The following ANO4 variants were observed in gnomAD, a reference collection of about 807,000 sequenced individuals.
ANO4 encodes anoctamin-4.
In ANO4, 69 loss-of-function variants were observed where a neutral mutation model predicts 141.9. The observed-to-expected ratio is 0.49, with a 90% CI of 0.40 to 0.59. The LOEUF is 0.59. Ranked by LOEUF, ANO4 falls within the 20% of genes least tolerant of loss-of-function variation. The pLI is 0.00. For missense variants in ANO4, 894 were observed against 1,162.2 expected, an observed-to-expected ratio of 0.77 and a Z score of 3.36; for synonymous variants, 350 against 394.3, an observed-to-expected ratio of 0.89 and a Z score of 1.33.
chr12:100,958,168 C>G (rs1454429540), intron 5 of ANO4, among the ~76,000 whole-genome samples: 1 of 152,204 alleles, frequency 6.6e-6, no homozygotes, highest in Non-Finnish European at 1.5e-5. Flanking sequence ...GCATCTTGTT[C>G]ATGCCCACCC....
chr12:101,063,745 C>CTTTTTTATT (rs2048447975), intron 14 of ANO4, among the ~76,000 whole-genome samples: 1 of 24,772 alleles, frequency 4.0e-5, no homozygotes, highest in Non-Finnish European at 6.7e-5. Flanking sequence ...TCCAGGTTAT[C>CTTTTTTATT]TTTTTTTTTT....
intron 8 of ANO4, among the ~76,000 whole-genome samples, chr12:100,990,233 G>A (rs942271163): frequency 6.6e-6 from 1 of 152,188 alleles, no homozygotes; most frequent in Non-Finnish European, 1.5e-5. Context: ...TGTGATGTGT[G>A]CTCTGGTATT....
chr12:100,854,149 A>G (rs954582484), intron 1 of ANO4, among the ~76,000 whole-genome samples: 1 of 152,192 alleles, frequency 6.6e-6, no homozygotes, highest in African/African-American at 2.4e-5. Context: ...TGCTAAGTAT[A>G]GAATTCTAAA....
chr12:101,094,494 CATT>C, intron 18 of ANO4, among the ~76,000 whole-genome samples: 1 of 152,286 alleles, frequency 6.6e-6, no homozygotes, highest in African/African-American at 2.4e-5. Context: ...CTGTCACAAA[CATT>C]ATCTGTCATG....
At chr12:100,948,329 C>T (rs1457872602) in intron 5 of ANO4, among the ~76,000 whole-genome samples, 2 of 152,026 alleles carry the variant, frequency 1.3e-5, no homozygotes, top group South Asian at 2.1e-4. Flanking sequence ...GGTACATAAC[C>T]ACTTACAAGC....
intron 26 of ANO4, among the ~76,000 whole-genome samples, chr12:101,123,699 T>A (rs2051190836): frequency 6.6e-6 from 1 of 152,178 alleles, no homozygotes; most frequent in Non-Finnish European, 1.5e-5. Flanking sequence ...ATGTACCACA[T>A]TTTTTTATCC....
intron 1 of ANO4, among the ~76,000 whole-genome samples, chr12:100,869,348 A>G (rs769988299): frequency 8.5e-5 from 13 of 152,158 alleles, no homozygotes; most frequent in Middle Eastern, 3.2e-3. Flanking sequence ...TGAGTCTTAG[A>G]TCAAGAGGCA....
intron 9 of ANO4, among the ~76,000 whole-genome samples, chr12:101,027,675 A>G (rs1203332398): frequency 1.3e-5 from 2 of 152,186 alleles, no homozygotes; most frequent in Non-Finnish European, 2.9e-5. Flanking sequence ...AGGAACTCCA[A>G]TAACTCCAGC....
chr12:100,790,149 G>T (rs1228363919), upstream of ANO4, among the ~76,000 whole-genome samples: 1 of 152,122 alleles, frequency 6.6e-6, no homozygotes, highest in Non-Finnish European at 1.5e-5. Flanking sequence ...CACTCTCTGT[G>T]GGGAATAGCA....
At chr12:100,813,937 G>A (rs939091194) in intron 1 of ANO4, among the ~76,000 whole-genome samples, 4 of 152,114 alleles carry the variant, frequency 2.6e-5, no homozygotes, top group African/African-American at 9.7e-5. Context: ...CCATGCGTGA[G>A]CAAACATGTT....
At chr12:101,015,882 G>C (rs890426474) in intron 8 of ANO4, among the ~76,000 whole-genome samples, 1 of 152,160 alleles carries the variant, frequency 6.6e-6, no homozygotes, top group Admixed American at 6.5e-5. Flanking sequence ...GAGAGAGAGA[G>C]AGACTTCATT....
At chr12:100,853,155 A>G (rs982897698) in intron 1 of ANO4, among the ~76,000 whole-genome samples, 1 of 152,178 alleles carries the variant, frequency 6.6e-6, no homozygotes, top group African/African-American at 2.4e-5. Context: ...ATCTTTTTAT[A>G]TAAATATGAA....
chr12:100,840,176 G>A (rs2037164651), intron 1 of ANO4, among the ~76,000 whole-genome samples: 1 of 151,952 alleles, frequency 6.6e-6, no homozygotes, highest in Admixed American at 6.6e-5. Context: ...GAAAACATTA[G>A]TTACCCGTTC....
At chr12:100,813,933 G>A (rs1458103420) in intron 1 of ANO4, among the ~76,000 whole-genome samples, 2 of 152,112 alleles carry the variant, frequency 1.3e-5, no homozygotes, top group African/African-American at 2.4e-5. Flanking sequence ...TGGGCCATGC[G>A]TGAGCAAACA....
At chr12:101,020,198 TC>T (rs758236620) in intron 9 of ANO4, 58 bp downstream of exon 9, 6 of 1,219,630 alleles carry the variant, frequency 4.9e-6, no homozygotes, top group Non-Finnish European at 7.1e-6. Context: ...ACAGACTTCT[TC>T]CCTTGGTTTT....
intron 7 of ANO4, among the ~76,000 whole-genome samples, chr12:100,985,981 A>C (rs2044688892): frequency 6.6e-6 from 1 of 152,150 alleles, no homozygotes; most frequent in African/African-American, 2.4e-5. Flanking sequence ...ATGTTTCCAG[A>C]AGAGATTAGC....
chr12:100,731,356 A>AT (rs990400855), intron 1 of ANO4, among the ~76,000 whole-genome samples: 23 of 152,072 alleles, frequency 1.5e-4, no homozygotes, highest in Non-Finnish European at 2.6e-4. Context: ...CCCTATGTTA[A>AT]TTTTTTTACA....
At chr12:101,073,941 AG>A in intron 14 of ANO4, among the ~76,000 whole-genome samples, 1 of 152,248 alleles carries the variant, frequency 6.6e-6, no homozygotes, top group South Asian at 2.1e-4. Context: ...GTGGAGGTGA[AG>A]GTAGAAAATG....
chr12:100,833,062 G>A (rs939535614), intron 1 of ANO4, among the ~76,000 whole-genome samples: 1 of 151,978 alleles, frequency 6.6e-6, no homozygotes, highest in Non-Finnish European at 1.5e-5. Context: ...GCTTATTTTC[G>A]CAACGTATTT....
Sources: allele counts gnomAD v4.1 joint callset (sites outside exome capture counted in the v4.1 genomes callset), GRCh38; gene constraint gnomAD v4.1.1; transcripts MANE v1.5; gene names NCBI Gene and HGNC (gene_info 2026-07-23, HGNC 2026-07-21).